The following PDE1C variants were observed in gnomAD, a reference collection of about 807,000 sequenced individuals.
PDE1C encodes dual specificity calcium/calmodulin-dependent 3',5'-cyclic nucleotide phosphodiesterase 1C.
PDE1C carries 62 observed loss-of-function variants against 93.1 expected under a neutral mutation model. That is an observed-to-expected ratio of 0.67 (90% CI 0.54 to 0.82). The LOEUF is 0.82. PDE1C is among the 40% of genes least tolerant of loss of function. The probability of loss-of-function intolerance (pLI) is 0.00; values close to 1 mark genes in which losing one functional copy is unlikely to be tolerated. For synonymous variants in PDE1C, 325 were observed against 310.1 expected (o/e 1.05, Z -0.50); for missense variants, 742 against 884.6 (o/e 0.84, Z 2.04).
chr7:32,274,498 G>A (rs913374655), intron 1 of PDE1C, among the ~76,000 whole-genome samples: 5 of 151,088 alleles, frequency 3.3e-5, no homozygotes, highest in South Asian at 2.1e-4. Flanking sequence ...GTGAGCCACC[G>A]CACCTAATAG....
chr7:32,074,209 T>C (rs954166274), upstream of PDE1C, among the ~76,000 whole-genome samples: 11 of 151,120 alleles, frequency 7.3e-5, no homozygotes, highest in Non-Finnish European at 1.6e-4. Flanking sequence ...GGAAGCTAGA[T>C]GTTAATCTGA....
chr7:31,731,324 C>A, the PDE1C span, among the ~76,000 whole-genome samples: 1 of 152,014 alleles, frequency 6.6e-6, no homozygotes, highest in Non-Finnish European at 1.5e-5. Flanking sequence ...GAGCCCTAGC[C>A]AATCACTGGC....
At chr7:31,993,942 C>T (rs1260539316) in intron 2 of PDE1C, among the ~76,000 whole-genome samples, 3 of 152,108 alleles carry the variant, frequency 2.0e-5, no homozygotes, top group Non-Finnish European at 4.4e-5. Flanking sequence ...GCAAACAACC[C>T]ATATGTCTTC....
chr7:31,854,783 C>A (rs868343902), intron 7 of PDE1C, among the ~76,000 whole-genome samples: 2 of 151,974 alleles, frequency 1.3e-5, no homozygotes, highest in African/African-American at 4.8e-5. Context: ...AGAACACTTC[C>A]GGGCCTGGCG....
the PDE1C span, among the ~76,000 whole-genome samples, chr7:31,641,254 T>C: frequency 6.6e-6 from 1 of 152,172 alleles, no homozygotes; most frequent in Non-Finnish European, 1.5e-5. Flanking sequence ...ATCCCCTATT[T>C]ATCACTTAGG....
rs1562660045 is a variant in PDE1C, at chr7:32,297,987, CTCTCTCTCTCCT to C, written c.85+652_85+663del. 6.9e-4 allele frequency among the ~76,000 whole-genome samples: 29 copies of C among 42,320 alleles called. 2 individuals carry two copies. In the East Asian group the frequency reaches 0.026, roughly 38 times the overall value. 27.8% of individuals were successfully genotyped at this position (42,320 alleles called of 152,430 possible). A position where few individuals can be genotyped will look rare whatever the true frequency, so the allele number is the denominator to read the frequency against. ...TCTCTCTCTCTCTCTCTCTCTCTCTCTCTCTCTCTCCTCTCTCTCTCTCTCTCTCCCTCTCTC... is the reference window on the plus strand; with the variant it reads ...TCTCTCTCTCTCTCTCTCTCTCTCTCCTCTCTCTCTCTCTCTCCCTCTCTC... On this transcript the variant is annotated intron_variant, in intron 1 of 18. Coordinates refer to the PDE1C transcript ENST00000396193.
chr7:32,053,277 G>A (rs899812159), intron 1 of PDE1C, among the ~76,000 whole-genome samples: 1 of 152,176 alleles, frequency 6.6e-6, no homozygotes, highest in Non-Finnish European at 1.5e-5. Flanking sequence ...CCAAGGGCAA[G>A]TTCTTTGTGT....
At chr7:31,684,433 T>A in the PDE1C span, among the ~76,000 whole-genome samples, 4 of 152,214 alleles carry the variant, frequency 2.6e-5, no homozygotes, top group East Asian at 3.8e-4. Context: ...TTATAAAAAT[T>A]TAAAAGCTAT....
chr7:31,994,793 C>T lies in PDE1C; in HGVS notation c.128+56761G>A, dbSNP rs79824938. Among the ~76,000 whole-genome samples the T allele has an allele frequency of 2.5e-3, 377 of 152,222 alleles. 4 individuals are homozygous for T. Among genetic ancestry groups the T allele is most frequent in the African/African-American group, 8.5e-3 (351 of 41,534 alleles). The stretch of plus-strand genomic sequence containing the variant: ...CCTTAGGCAAATCCAGGAAGAGTGA[C>T]GGCACAATTACAAAGAGTAACTGCA... On this transcript the variant is annotated intron_variant, in intron 2 of 17. Coordinates refer to ENST00000396191, the MANE Select transcript of PDE1C (RefSeq NM_001191057.4).
intron 2 of PDE1C, among the ~76,000 whole-genome samples, chr7:31,895,674 T>C (rs1258295334): frequency 6.7e-6 from 1 of 150,046 alleles, no homozygotes; most frequent in African/African-American, 2.4e-5. Context: ...GTAGCTCCCA[T>C]AATCCCCACA....
At chr7:31,849,232 C>G (rs1338142167) in intron 8 of PDE1C, among the ~76,000 whole-genome samples, 1 of 152,176 alleles carries the variant, frequency 6.6e-6, no homozygotes, top group Non-Finnish European at 1.5e-5. Flanking sequence ...TGTGTTGGGA[C>G]TGGTTTTGAT....
chr7:32,071,262 C>T (rs1458967364), upstream of PDE1C: 9 of 985,490 alleles, frequency 9.1e-6, no homozygotes, highest in South Asian at 9.4e-5. Context: ...CCTTATCCTC[C>T]CGGGGCCAGG....
intron 16 of PDE1C, among the ~76,000 whole-genome samples, chr7:31,795,603 CTA>C (rs949177517): frequency 1.3e-5 from 2 of 151,796 alleles, no homozygotes; most frequent in Admixed American, 6.6e-5. Flanking sequence ...TTCAGAAAGT[CTA>C]ATTTTATCAT....
chr7:32,193,922 T>TG (rs1804417998), intron 2 of PDE1C, among the ~76,000 whole-genome samples: 1 of 147,424 alleles, frequency 6.8e-6, no homozygotes, highest in Non-Finnish European at 1.5e-5. Flanking sequence ...TTTTGTTTTT[T>TG]TTTTTTTTTT....
chr7:32,263,274 T>C (rs1162436893), intron 1 of PDE1C, among the ~76,000 whole-genome samples: 1 of 152,234 alleles, frequency 6.6e-6, no homozygotes, highest in African/African-American at 2.4e-5. Flanking sequence ...CAGATTCACC[T>C]ACTATTAACA....
At chr7:32,072,621 T>C (rs181649552), upstream of PDE1C, among the ~76,000 whole-genome samples, 96 of 150,898 alleles carry the variant, frequency 6.4e-4, no homozygotes, top group Middle Eastern at 0.01. Context: ...ATAATGATAA[T>C]AACAGCAAAC....
intron 1 of PDE1C, among the ~76,000 whole-genome samples, chr7:32,056,368 A>AACACAC (rs375602478): frequency 0.01 from 1,214 of 119,272 alleles, 11 homozygotes; most frequent in African/African-American, 0.019. Context: ...CTCTCACTGA[A>AACACAC]ACACACACAC....
intron 9 of PDE1C, among the ~76,000 whole-genome samples, chr7:31,846,223 C>CT (rs200755773): frequency 1.1e-4 from 16 of 142,362 alleles, no homozygotes; most frequent in Admixed American, 1.4e-4. Flanking sequence ...TTTTACTTTT[C>CT]TTTTTTTTTC....
intron 2 of PDE1C, among the ~76,000 whole-genome samples, chr7:31,971,423 C>T (rs912119564): frequency 5.3e-5 from 8 of 152,152 alleles, no homozygotes; most frequent in African/African-American, 1.9e-4. Context: ...TTTAGTCATG[C>T]TGCAGCTCAG....
Sources: gnomAD v4.1 joint callset for allele counts (sites outside exome capture counted in the v4.1 genomes callset) on GRCh38, gnomAD v4.1.1 for gene constraint, MANE v1.5 for transcripts, NCBI Gene and HGNC (gene_info 2026-07-23, HGNC 2026-07-21) for gene names.